MYLK4: variants seen among roughly 807,000 people sequenced by gnomAD.
MYLK4 encodes caMLCK like.
MYLK4 carries 46 observed loss-of-function variants against 48.1 expected under a neutral mutation model. That is an observed-to-expected ratio of 0.96 (90% CI 0.75 to 1.22). The LOEUF (loss-of-function observed/expected upper bound fraction) is 1.22, where lower values mean the gene tolerates loss of function less well. Ranked by LOEUF, MYLK4 falls within the 50% of genes most tolerant of loss-of-function variation. The pLI is 0.00. For missense variants in MYLK4, 451 were observed against 486.1 expected, an observed-to-expected ratio of 0.93 and a Z score of 0.68; for synonymous variants, 170 against 180.8, an observed-to-expected ratio of 0.94 and a Z score of 0.48.
the MYLK4 span, among the ~76,000 whole-genome samples, chr6:2,762,322 T>C: frequency 3.0e-4 from 45 of 152,358 alleles, no homozygotes; most frequent in African/African-American, 9.6e-4. Flanking sequence ...TACTGTCTAA[T>C]CTTGAAACAC....
At position 2,678,383 on chromosome 6, in the gene MYLK4, C is replaced by A. The variant is rs376817113; in HGVS notation, c.888-11G>T. 3 of 1,613,248 alleles carry A rather than the reference C, an allele frequency of 1.9e-6. No individual in the cohort carries two copies. Among genetic ancestry groups the A allele is most frequent in the Non-Finnish European group, 2.5e-6 (3 of 1,179,736 alleles). On this transcript the variant is annotated splice_polypyrimidine_tract_variant and intron_variant, in intron 9 of 12. Coordinates refer to ENST00000274643, the MANE Select transcript of MYLK4 (RefSeq NM_001012418.5). ...GACAAACCGCTAAGTCTGGAGGACA[C>A]GGGGTCCAGAGTGAGTATTTTTTAA...
intron 11 of MYLK4, among the ~76,000 whole-genome samples, chr6:2,674,456 G>A (rs887578459): frequency 5.3e-5 from 8 of 152,294 alleles, no homozygotes; most frequent in African/African-American, 1.9e-4. Context: ...GTGTATGTAT[G>A]TGCACATAAG....
chr6:2,683,473 G>T (rs886630204), intron 6 of MYLK4, among the ~76,000 whole-genome samples: 6 of 150,662 alleles, frequency 4.0e-5, no homozygotes, highest in African/African-American at 1.5e-4. Flanking sequence ...AGGCTAGAGG[G>T]CAGTGGCAGG....
the MYLK4 span, among the ~76,000 whole-genome samples, chr6:2,761,470 T>C: frequency 6.6e-6 from 1 of 152,336 alleles, no homozygotes; most frequent in Admixed American, 6.5e-5. Context: ...TTTTCTACCA[T>C]CACCACCTAG....
At chr6:2,736,196 A>G (rs1317731552) in intron 2 of MYLK4, among the ~76,000 whole-genome samples, 1 of 152,262 alleles carries the variant, frequency 6.6e-6, no homozygotes, top group Non-Finnish European at 1.5e-5. Flanking sequence ...TACAGATATA[A>G]GTTAACATTT....
At chr6:2,670,136 C>T (rs555863640) in intron 12 of MYLK4, among the ~76,000 whole-genome samples, 14 of 152,252 alleles carry the variant, frequency 9.2e-5, no homozygotes, top group African/African-American at 2.2e-4. Context: ...GAGGCTGAGG[C>T]GGGCAGATCA....
intron 2 of MYLK4, among the ~76,000 whole-genome samples, chr6:2,719,618 C>A (rs1762996239): frequency 6.6e-6 from 1 of 152,094 alleles, no homozygotes; most frequent in Non-Finnish European, 1.5e-5. Context: ...CATGATATAT[C>A]TCACAGTTTG....
At chr6:2,712,729 A>G (rs1044086951) in intron 2 of MYLK4, among the ~76,000 whole-genome samples, 5 of 152,212 alleles carry the variant, frequency 3.3e-5, no homozygotes, top group Admixed American at 3.3e-4. Flanking sequence ...TCGGGCTTTC[A>G]CACATCAAGA....
intron 12 of MYLK4, among the ~76,000 whole-genome samples, chr6:2,670,966 T>C (rs1386249763): frequency 6.6e-6 from 1 of 151,996 alleles, no homozygotes; most frequent in Non-Finnish European, 1.5e-5. Context: ...CAGCACCCCC[T>C]GGGCTGGTTA....
intron 2 of MYLK4, among the ~76,000 whole-genome samples, chr6:2,704,559 A>C (rs968466186): frequency 2.0e-5 from 3 of 152,194 alleles, no homozygotes; most frequent in African/African-American, 7.2e-5. Flanking sequence ...TATATTTAAG[A>C]TCTATTATTC....
intron 2 of MYLK4, among the ~76,000 whole-genome samples, chr6:2,700,733 C>G (rs1762253501): frequency 6.6e-6 from 1 of 152,156 alleles, no homozygotes; most frequent in Admixed American, 6.5e-5. Context: ...GCCAACCATG[C>G]CTCTGGTCCT....
chr6:2,678,787 T>C (rs1761183842), intron 9 of MYLK4, among the ~76,000 whole-genome samples: 1 of 149,406 alleles, frequency 6.7e-6, no homozygotes, highest in Non-Finnish European at 1.5e-5. Flanking sequence ...CTCGTTTCAC[T>C]GCAACCTCCA....
chr6:2,721,821 AG>A (rs1481731191), intron 2 of MYLK4, among the ~76,000 whole-genome samples: 17 of 152,260 alleles, frequency 1.1e-4, no homozygotes, highest in Admixed American at 1.0e-3. Context: ...ACAAAAGATC[AG>A]GATTCTGAAC....
the MYLK4 span, among the ~76,000 whole-genome samples, chr6:2,762,453 T>A: frequency 6.6e-6 from 1 of 152,210 alleles, no homozygotes; most frequent in African/African-American, 2.4e-5. Context: ...ATTCAAGAAA[T>A]TTGTTTCCAT....
At chr6:2,696,694 T>C (rs1481237255) in intron 2 of MYLK4, among the ~76,000 whole-genome samples, 4 of 152,266 alleles carry the variant, frequency 2.6e-5, no homozygotes, top group Admixed American at 6.5e-5. Flanking sequence ...ATATTTTACA[T>C]ATGTTTTTAA....
the MYLK4 span, among the ~76,000 whole-genome samples, chr6:2,763,266 G>A: frequency 2.7e-4 from 41 of 152,230 alleles, no homozygotes; most frequent in Admixed American, 2.6e-3. Context: ...AAACCCAGTT[G>A]GCTTCTCCCA....
In MYLK4 at chr6:2,699,287, C is replaced by CTTTTTTTTTTTTTTTTTTTTTTTTT. The variant is rs56959282; in HGVS notation, c.160-6429_160-6428insAAAAAAAAAAAAAAAAAAAAAAAAA. The stretch of plus-strand genomic sequence containing the variant: ...CATGCTACCACTTTTCTTTTCTTTT[C>CTTTTTTTTTTTTTTTTTTTTTTTTT]TTTTTTTTTTTTTTTTTTTTTTGAT... On this transcript the variant is annotated intron_variant, in intron 2 of 12. Coordinates refer to ENST00000274643, the MANE Select transcript of MYLK4 (RefSeq NM_001012418.5). Among the ~76,000 whole-genome samples the CTTTTTTTTTTTTTTTTTTTTTTTTT allele has an allele frequency of 1.4e-3, 108 of 77,898 alleles. 9 individuals carry two copies. Among genetic ancestry groups the CTTTTTTTTTTTTTTTTTTTTTTTTT allele is most frequent in the East Asian group, 2.0e-3 (4 of 2,032 alleles). 51.1% of individuals were successfully genotyped at this position (77,898 alleles called of 152,430 possible).
At chr6:2,733,648 A>C (rs898571393) in intron 2 of MYLK4, among the ~76,000 whole-genome samples, 4 of 152,198 alleles carry the variant, frequency 2.6e-5, no homozygotes, top group African/African-American at 7.2e-5. Flanking sequence ...ATAAGGTCTA[A>C]CCAATCCCTA....
chr6:2,694,457 C>T (rs886159759), intron 2 of MYLK4, among the ~76,000 whole-genome samples: 7 of 70,812 alleles, frequency 9.9e-5, no homozygotes, highest in South Asian at 4.5e-4. Flanking sequence ...GAGACCAGTA[C>T]GTAGTGATGA....
Sources: allele counts gnomAD v4.1 joint callset (sites outside exome capture counted in the v4.1 genomes callset), GRCh38; gene constraint gnomAD v4.1.1; transcripts MANE v1.5; gene names NCBI Gene and HGNC (gene_info 2026-07-23, HGNC 2026-07-21).